The following SPOCK3 variants were observed in gnomAD, a reference collection of about 807,000 sequenced individuals.
The protein encoded by SPOCK3 is testican-3.
Under a neutral mutation model 56.6 loss-of-function variants are expected in SPOCK3, and 30 were observed. That is an observed-to-expected ratio of 0.53 (90% CI 0.40 to 0.72). The LOEUF (loss-of-function observed/expected upper bound fraction) is 0.72, where lower values mean the gene tolerates loss of function less well. Among genes scored for constraint, SPOCK3 ranks in the 30% least tolerant of loss-of-function variants. The pLI is 0.00. For synonymous variants in SPOCK3, 196 were observed against 183.3 expected (o/e 1.07, Z -0.56); for missense variants, 527 against 530.0 (o/e 0.99, Z 0.06).
At chr4:167,011,267 A>T in intron 3 of SPOCK3, 1 of 456,120 alleles carries the variant, frequency 2.2e-6, no homozygotes, top group Non-Finnish European at 4.4e-6. Flanking sequence ...CAATATTCAC[A>T]TCACACAAAA....
intron 2 of SPOCK3, among the ~76,000 whole-genome samples, chr4:167,220,649 G>T: frequency 6.6e-6 from 1 of 151,750 alleles, no homozygotes; most frequent in East Asian, 1.9e-4. Flanking sequence ...GCCTCTGGAA[G>T]TTCTGGAATT....
chr4:166,933,233 C>A (rs774929015), intron 4 of SPOCK3, among the ~76,000 whole-genome samples: 1 of 152,112 alleles, frequency 6.6e-6, no homozygotes, highest in Non-Finnish European at 1.5e-5. Flanking sequence ...CACTCTCTTG[C>A]TAAAAAATGA....
chr4:166,794,202 T>C lies in SPOCK3; in HGVS notation c.590-1913A>G, dbSNP rs902866602. On this transcript the variant is annotated intron_variant, in intron 6 of 10. Coordinates refer to ENST00000357545, the MANE Select transcript of SPOCK3 (RefSeq NM_001040159.2). The stretch of plus-strand genomic sequence containing the variant: ...AGGTCCACCATGGCTGAGGCTGAGG[T>C]GATAAGGCAAAAAAAAAAAAAAAAA... 5.6e-5 allele frequency among the ~76,000 whole-genome samples: 5 copies of C among 88,912 alleles called. No homozygotes were observed. In the Admixed American group the frequency reaches 8.3e-4, roughly 15 times the overall value. The allele number at this position is 88,912 out of a possible 152,430, so 58.3% of individuals were successfully genotyped here. A position where few individuals can be genotyped will look rare whatever the true frequency, so the allele number is the denominator to read the frequency against.
chr4:167,149,768 T>C (rs191316138), intron 2 of SPOCK3, among the ~76,000 whole-genome samples: 2 of 151,986 alleles, frequency 1.3e-5, no homozygotes, highest in Admixed American at 1.3e-4. Context: ...AATGTATGAG[T>C]TCCTTAATTG....
intron 6 of SPOCK3, among the ~76,000 whole-genome samples, chr4:166,794,627 TTTTC>T (rs1303037765): frequency 1.1e-3 from 165 of 151,422 alleles, no homozygotes; most frequent in African/African-American, 3.4e-3. Context: ...TTTCTTTTTT[TTTTC>T]TTTCTTTCTT....
At chr4:166,847,903 C>A (rs1748270915) in intron 6 of SPOCK3, among the ~76,000 whole-genome samples, 1 of 151,830 alleles carries the variant, frequency 6.6e-6, no homozygotes, top group African/African-American at 2.4e-5. Flanking sequence ...TCTAGTTATG[C>A]AGCCAAACTG....
intron 2 of SPOCK3, among the ~76,000 whole-genome samples, chr4:167,229,587 T>C (rs1411415798): frequency 6.6e-6 from 1 of 151,992 alleles, no homozygotes; most frequent in Non-Finnish European, 1.5e-5. Context: ...ATCTGTGCAC[T>C]TAAGAACCTC....
At chr4:166,860,803 ATATATATATATATG>A (rs1731162208) in intron 6 of SPOCK3, among the ~76,000 whole-genome samples, 1 of 71,138 alleles carries the variant, frequency 1.4e-5, no homozygotes, top group Non-Finnish European at 3.6e-5. Flanking sequence ...ACACAAATTC[ATATATATATATATG>A]TATATATATA....
At chr4:167,059,355 A>G (rs1398299071) in intron 3 of SPOCK3, among the ~76,000 whole-genome samples, 2 of 152,198 alleles carry the variant, frequency 1.3e-5, no homozygotes, top group African/African-American at 4.8e-5. Flanking sequence ...ATGAACAGAC[A>G]CTTCTCAAAA....
intron 8 of SPOCK3, among the ~76,000 whole-genome samples, chr4:166,752,573 TACACACACACACAC>T (rs67209921): frequency 2.1e-4 from 6 of 28,898 alleles, no homozygotes; most frequent in African/African-American, 4.4e-4. Context: ...TATATATATA[TACACACACACACAC>T]ACACACACAC....
At chr4:167,099,584 C>G (rs548761962) in intron 2 of SPOCK3, among the ~76,000 whole-genome samples, 1 of 152,048 alleles carries the variant, frequency 6.6e-6, no homozygotes, top group Non-Finnish European at 1.5e-5. Flanking sequence ...CAAAGCTATA[C>G]TTTATGCGTA....
chr4:167,223,064 TGAATA>T (rs1561341871), intron 2 of SPOCK3, among the ~76,000 whole-genome samples: 20 of 114,076 alleles, frequency 1.8e-4, no homozygotes, highest in South Asian at 5.0e-4. Context: ...ATTTTATATA[TGAATA>T]TATATTTTAT....
intron 7 of SPOCK3, among the ~76,000 whole-genome samples, chr4:166,783,949 T>G (rs142052595): frequency 6.6e-6 from 1 of 152,324 alleles, no homozygotes; most frequent in East Asian, 1.9e-4. Flanking sequence ...TGCAGATTTC[T>G]TAACCTCTTC....
chr4:167,129,420 T>C (rs946308192), intron 2 of SPOCK3, among the ~76,000 whole-genome samples: 2 of 152,196 alleles, frequency 1.3e-5, no homozygotes, highest in Non-Finnish European at 2.9e-5. Flanking sequence ...GAATCATCTA[T>C]TTACTGAGGC....
chr4:167,010,464 A>G (rs528609975), intron 3 of SPOCK3, among the ~76,000 whole-genome samples: 1 of 151,160 alleles, frequency 6.6e-6, no homozygotes, highest in South Asian at 2.1e-4. Flanking sequence ...AGGCTGCAGT[A>G]AGCCAAGGTC....
intron 5 of SPOCK3, among the ~76,000 whole-genome samples, chr4:166,910,747 T>C (rs1390917109): frequency 6.6e-6 from 1 of 152,174 alleles, no homozygotes; most frequent in Non-Finnish European, 1.5e-5. Context: ...GATGACACCC[T>C]AGGCACAAAC....
chr4:167,070,564 A>T (rs10024728), intron 2 of SPOCK3, among the ~76,000 whole-genome samples: 2,363 of 152,064 alleles, frequency 0.016, 64 homozygotes, highest in African/African-American at 0.054. Context: ...ATTATAATTA[A>T]CTTTTATTGC....
intron 4 of SPOCK3, among the ~76,000 whole-genome samples, chr4:166,989,675 A>C (rs1747557512): frequency 6.6e-6 from 1 of 152,160 alleles, no homozygotes; most frequent in Non-Finnish European, 1.5e-5. Flanking sequence ...ATAATTACTA[A>C]GATCCCATCA....
chr4:167,104,743 T>C (rs750168541), intron 2 of SPOCK3, among the ~76,000 whole-genome samples: 31 of 151,452 alleles, frequency 2.0e-4, no homozygotes, highest in South Asian at 6.2e-4. Flanking sequence ...AAGAAGGTTA[T>C]AGAACACCAA....
Sources: gnomAD v4.1 joint callset for allele counts (sites outside exome capture counted in the v4.1 genomes callset) on GRCh38, gnomAD v4.1.1 for gene constraint, MANE v1.5 for transcripts, NCBI Gene and HGNC (gene_info 2026-07-23, HGNC 2026-07-21) for gene names.